The following ERLIN2 variants were observed in gnomAD, a reference collection of about 807,000 sequenced individuals.
ERLIN2 encodes ER lipid raft associated 2.
Under a neutral mutation model 41.5 loss-of-function variants are expected in ERLIN2, and 22 were observed. The ratio of observed to expected loss-of-function variants is 0.53; its 90% CI spans 0.38 to 0.76. ERLIN2 has a LOEUF of 0.76. Among genes scored for constraint, ERLIN2 ranks in the 30% least tolerant of loss-of-function variants. The pLI is 0.00. For synonymous variants in ERLIN2, 149 were observed against 150.9 expected, an observed-to-expected ratio of 0.99 and a Z score of 0.09; for missense variants, 247 against 414.3, an observed-to-expected ratio of 0.60 and a Z score of 3.51.
At chr8:37,737,852 G>C in intron 1 of ERLIN2, 56 bp from the exon 2 acceptor site, 3 of 1,610,156 alleles carry the variant, frequency 1.9e-6, no homozygotes, top group South Asian at 2.2e-5. Flanking sequence ...TCTCGCTGTT[G>C]TGGCCTTTTC....
Position 37,754,263 on chromosome 8 carries a change from T to C in ERLIN2, c.*148T>C. ...AAGAAATGAACTTAAATCCACTCCC[T>C]TTCTAGGGAAAGGAGGGTGGGGACT... On this transcript the variant is annotated 3_prime_UTR_variant, in exon 12 of 12. Coordinates refer to ENST00000519638, the MANE Select transcript of ERLIN2 (RefSeq NM_007175.8). 2 of 730,330 alleles carry C rather than the reference T, an allele frequency of 2.7e-6. No homozygotes were observed. The highest frequency in any genetic ancestry group is 4.8e-6 in the Non-Finnish European group (2 of 416,472). The allele number at this position is 730,330 out of a possible 1,614,324, so 45.2% of individuals were successfully genotyped here. A position where few individuals can be genotyped will look rare whatever the true frequency, so the allele number is the denominator to read the frequency against.
chr8:37,737,906 A>C lies in ERLIN2; in HGVS notation c.-15-2A>C, dbSNP rs1020709705. ...ACACATTTTCCCGTGTCTTTTCCCT[A>C]GGATAAAGGCTCACTGATGGCTCAG... On this transcript the variant is annotated splice_acceptor_variant, in intron 1 of 11. Coordinates refer to ENST00000519638, the MANE Select transcript of ERLIN2 (RefSeq NM_007175.8). LOFTEE classifies it low-confidence loss of function (5UTR_SPLICE). 1.6e-5 allele frequency: 26 copies of C among 1,613,948 alleles called. No homozygotes were observed. Among genetic ancestry groups the C allele is most frequent in the Non-Finnish European group, 2.1e-5 (25 of 1,179,966 alleles).
rs1803310417 is a variant in ERLIN2 at position 37,754,494 on chromosome 8, GTGTT to G, written c.*380_*383del. On this transcript the variant is annotated 3_prime_UTR_variant, in exon 12 of 12. Transcript: ENST00000519638. The stretch of plus-strand genomic sequence containing the variant: ...CCCTTACTTGGGAAAATGCAGTCCA[GTGTT>G]CTCACCTCTGCCTCCAAGGTAGGAG... The G allele has an allele frequency of 1.2e-5, 4 of 329,032 alleles. No individual in the cohort carries two copies. The highest frequency in any genetic ancestry group is 2.4e-5 in the Non-Finnish European group (4 of 169,114). The allele number at this position is 329,032 out of a possible 1,614,324, so 20.4% of individuals were successfully genotyped here. A position where few individuals can be genotyped will look rare whatever the true frequency, so the allele number is the denominator to read the frequency against.
At chr8:37,749,501 C>A in intron 6 of ERLIN2, 58 bp from the exon 7 acceptor site, 1 of 1,149,334 alleles carries the variant, frequency 8.7e-7, no homozygotes, top group Non-Finnish European at 1.3e-6. Flanking sequence ...CCTCATCCTG[C>A]CCTCCCTCAT....
At chr8:37,745,662 A>G (rs764475035) in intron 6 of ERLIN2, 29 of 1,613,310 alleles carry the variant, frequency 1.8e-5, no homozygotes, top group Non-Finnish European at 2.2e-5. Flanking sequence ...CCACATCGCC[A>G]GCAATCATAA....
At chr8:37,747,279 C>T in intron 6 of ERLIN2, 2 of 819,660 alleles carry the variant, frequency 2.4e-6, no homozygotes, top group Non-Finnish European at 4.4e-6. Context: ...CAAGAAGTTA[C>T]TTTGTCTCCT....
intron 2 of ERLIN2, among the ~76,000 whole-genome samples, chr8:37,739,828 CAG>C (rs1333751521): frequency 1.3e-5 from 2 of 148,862 alleles, no homozygotes; most frequent in Non-Finnish European, 3.0e-5. Flanking sequence ...TTTTTTTAGA[CAG>C]AGTCTCACTT....
At chr8:37,750,669 GT>G (rs1291674110) in intron 9 of ERLIN2, among the ~76,000 whole-genome samples, 183 bp downstream of exon 9, 1 of 152,078 alleles carries the variant, frequency 6.6e-6, no homozygotes, top group African/African-American at 2.4e-5. Context: ...AGGATAATGA[GT>G]TTTTTGAGTT....
At chr8:37,748,095 G>T in intron 6 of ERLIN2, 1 of 931,186 alleles carries the variant, frequency 1.1e-6, no homozygotes, top group Admixed American at 1.9e-5. Context: ...TTTCCCTGCG[G>T]CTACCTTAGT....
At chr8:37,750,183 A>G in intron 8 of ERLIN2, 1 of 625,938 alleles carries the variant, frequency 1.6e-6, no homozygotes, top group Non-Finnish European at 2.8e-6. Context: ...TTACTAAATT[A>G]TGTTTTATTT....
At chr8:37,748,091 T>G (rs1803119051) in intron 6 of ERLIN2, 1 of 965,618 alleles carries the variant, frequency 1.0e-6, no homozygotes, top group Non-Finnish European at 1.7e-6. Flanking sequence ...GCCTTTTCCC[T>G]GCGGCTACCT....
intron 6 of ERLIN2, among the ~76,000 whole-genome samples, chr8:37,748,382 C>G (rs1039600182): frequency 5.3e-5 from 8 of 152,176 alleles, no homozygotes; most frequent in Non-Finnish European, 1.2e-4. Context: ...TGACCCCTGG[C>G]AGGTGTGAGG....
At position 37,756,573 on chromosome 8, in the gene ERLIN2, AAT is replaced by A. The variant is rs999381509; in HGVS notation, c.*2461_*2462del. On this transcript the variant is annotated 3_prime_UTR_variant, in exon 12 of 12. Coordinates refer to ENST00000519638, the MANE Select transcript of ERLIN2 (RefSeq NM_007175.8). ...TCTATCATTTCCTCTTTAAACAAAA[AAT>A]ATGTTATCCTACACATTAGTGTCAA... 14 of 152,584 alleles carry A rather than the reference AAT, an allele frequency of 9.2e-5. No individual in the cohort carries two copies. Among genetic ancestry groups the A allele is most frequent in the Non-Finnish European group, 1.8e-4 (12 of 68,040 alleles). The allele number at this position is 152,584 out of a possible 1,614,324, so 9.5% of individuals were successfully genotyped here. A position where few individuals can be genotyped will look rare whatever the true frequency, so the allele number is the denominator to read the frequency against.
Position 37,747,243 on chromosome 8 carries a change from T to C in ERLIN2, c.425-2316T>C, listed in dbSNP as rs1803081606. On this transcript the variant is annotated intron_variant, in intron 6 of 11. Coordinates refer to ENST00000519638, the MANE Select transcript of ERLIN2 (RefSeq NM_007175.8). ...AACAACATAAAGCCTTCTGCTGGGA[T>C]ATAAATAGGAACCAGTCTATGTAAT... The C allele has an allele frequency of 1.7e-5, 13 of 749,340 alleles. No homozygotes were observed. The South Asian group carries it at 1.8e-4, about 10-fold the overall frequency. The allele number at this position is 749,340 out of a possible 1,614,324, so 46.4% of individuals were successfully genotyped here.
At chr8:37,753,852 C>CA in intron 11 of ERLIN2, 63 bp from the exon 12 acceptor site, 1 of 1,404,270 alleles carries the variant, frequency 7.1e-7, no homozygotes. Flanking sequence ...GAAGGGGCAC[C>CA]ACTCCCCTCC....
At chr8:37,751,180 G>C (rs1390217593) in intron 9 of ERLIN2, among the ~76,000 whole-genome samples, 1 of 152,226 alleles carries the variant, frequency 6.6e-6, no homozygotes, top group Non-Finnish European at 1.5e-5. Flanking sequence ...AAAGCACAGA[G>C]GGGTAAAATA....
At position 37,745,682 on chromosome 8, in the gene ERLIN2, C is replaced by T. The variant is rs956002655; in HGVS notation, c.424+986C>T. The T allele has an allele frequency of 1.1e-5, 18 of 1,609,058 alleles. No homozygotes were observed. In the African/African-American group the frequency reaches 2.3e-4, roughly 20 times the overall value. ...TCGCCAGCAATCATAATTAAGCAAA[C>T]CGCCTTTTGCACCATTTAAGATTTA... On this transcript the variant is annotated intron_variant, in intron 6 of 11. Coordinates refer to ENST00000519638, the MANE Select transcript of ERLIN2 (RefSeq NM_007175.8).
intron 9 of ERLIN2, 88 bp downstream of exon 9, chr8:37,750,574 C>T: frequency 9.1e-7 from 1 of 1,101,576 alleles, no homozygotes; most frequent in African/African-American, 1.5e-5. Context: ...CTGGTGAGAC[C>T]CCATGGTCCT....
At chr8:37,750,594 T>C (rs979188465) in intron 9 of ERLIN2, 108 bp downstream of exon 9, 1 of 888,448 alleles carries the variant, frequency 1.1e-6, no homozygotes, top group Non-Finnish European at 1.9e-6. Flanking sequence ...TCCAAACCAC[T>C]TCCACAGCAC....
Sources: gnomAD v4.1 joint callset for allele counts (sites outside exome capture counted in the v4.1 genomes callset) on GRCh38, gnomAD v4.1.1 for gene constraint, MANE v1.5 for transcripts, NCBI Gene and HGNC (gene_info 2026-07-23, HGNC 2026-07-21) for gene names.